The following TMEM175 variants were observed in gnomAD, a reference collection of about 807,000 sequenced individuals.
TMEM175 encodes endosomal/lysosomal proton channel TMEM175.
In TMEM175, 36 loss-of-function variants were observed where a neutral mutation model predicts 36.5. That is an observed-to-expected ratio of 0.99 (90% confidence interval 0.76 to 1.30). TMEM175 has a LOEUF of 1.30. TMEM175 is among the 50% of genes most tolerant of loss of function. The pLI, the probability that TMEM175 is intolerant of heterozygous loss-of-function variation, is 0.00. For missense variants in TMEM175, 705 were observed against 692.8 expected (o/e 1.02, Z -0.20); for synonymous variants, 339 against 313.4 (o/e 1.08, Z -0.86).
Position 949,248 on chromosome 4 carries a change from TA to T in TMEM175, c.192+1099del, listed in dbSNP as rs1447221404. Among the ~76,000 whole-genome samples, 6 of 152,016 alleles carry T rather than the reference TA, an allele frequency of 3.9e-5. No individual in the cohort carries two copies. In the East Asian group the frequency reaches 1.2e-3, roughly 29 times the overall value. On this transcript the variant is annotated intron_variant, in intron 3 of 10. Transcript: ENST00000264771. Reference sequence around the variant, plus strand: ...AATGAAGGGCCCGGGTGGTTGAAAATAAAAACCTGTGAACCTAAACCTGCTC... The same window carrying T: ...AATGAAGGGCCCGGGTGGTTGAAAATAAAACCTGTGAACCTAAACCTGCTC...
Position 947,875 on chromosome 4 carries a change from A to G in TMEM175, c.136A>G (p.Ile46Val), listed in dbSNP as rs773547588. The G allele has an allele frequency of 1.9e-6, 3 of 1,613,660 alleles. No individual in the cohort carries two copies. Among genetic ancestry groups the G allele is most frequent in the East Asian group, 2.2e-5 (1 of 44,892 alleles). ...MLSFSDALLSIIATVMILPVT... is the reference protein window; with the variant it reads ...MLSFSDALLSVIATVMILPVT... ...CAGCTTCAGTGACGCCCTGCTGTCC[A>G]TCATCGCCACCGTCATGGTCTGTAC... Residue 46 changes from isoleucine (I) to valine (V), a missense_variant, in exon 2 of 11, where the codon ATC (isoleucine) becomes GTC (valine). By Grantham distance (29) the Ile-to-Val change is conservative. Transcript: ENST00000264771.
chr4:955,608 C>A lies in TMEM175; in HGVS notation c.706+125C>A, dbSNP rs530583440. 4.9e-5 allele frequency: 70 copies of A among 1,436,278 alleles called. 1 individual carries two copies. Among genetic ancestry groups the A allele is most frequent in the Admixed American group, 2.8e-4 (14 of 49,922 alleles). The allele number at this position is 1,436,278 out of a possible 1,614,324, so 89.0% of individuals were successfully genotyped here. A position where few individuals can be genotyped will look rare whatever the true frequency, so the allele number is the denominator to read the frequency against. ...TGCGTGGTGGTGGCTGGGGCTCCCC[C>A]ACTCCGCCCCTCGGGCGTCCCTGTC... On this transcript the variant is annotated intron_variant, in intron 9 of 10. Transcript: ENST00000264771.
In TMEM175 at chr4:941,181, T is replaced by G. The variant is rs552667795; in HGVS notation, c.-31-6528T>G. The stretch of plus-strand genomic sequence containing the variant: ...TTACGAGGTCAGGAGTTCAAGACCA[T>G]CCTGGCCAACATGGTGAAACCCTAT... On this transcript the variant is annotated intron_variant, in intron 1 of 10. Coordinates refer to ENST00000264771, the MANE Select transcript of TMEM175 (RefSeq NM_032326.4). Among the ~76,000 whole-genome samples the G allele has an allele frequency of 6.3e-3, 944 of 149,640 alleles. 6 individuals are homozygous for G. The highest frequency in any genetic ancestry group is 0.02 in the African/African-American group (825 of 40,868).
chr4:942,220 C>A (rs1577395260), intron 1 of TMEM175, among the ~76,000 whole-genome samples: 1 of 152,016 alleles, frequency 6.6e-6, no homozygotes, highest in Admixed American at 6.6e-5. Context: ...GCACGTGCAA[C>A]CATGCCCAGC....
In TMEM175 at chr4:932,583, A is replaced by G. The variant is rs1306810084; in HGVS notation, c.-32+43A>G. ...TCCAGCTCCCGGTACCGTTCCCCAC[A>G]TGGTCTGTTTTGTGGGAGGCTCCTT... is the stretch of plus-strand genomic sequence containing the variant. On this transcript the variant is annotated intron_variant, in intron 1 of 10. Coordinates refer to ENST00000264771, the MANE Select transcript of TMEM175 (RefSeq NM_032326.4). This position sits in a 1 kb window ranked among gnomAD's most constrained non-coding sequence, Gnocchi z 4.0. 3 of 395,014 alleles carry G rather than the reference A, an allele frequency of 7.6e-6. No homozygotes were observed. Among genetic ancestry groups the G allele is most frequent in the African/African-American group, 2.1e-5 (1 of 47,950 alleles). The allele number at this position is 395,014 out of a possible 1,614,324, so 24.5% of individuals were successfully genotyped here.
Position 957,808 on chromosome 4 carries a change from T to C in TMEM175, c.843-16T>C. 6.3e-7 allele frequency: 1 copy of C among 1,586,458 alleles called. No homozygotes were observed. The highest frequency in any genetic ancestry group is 2.2e-5 in the East Asian group (1 of 44,592). On this transcript the variant is annotated splice_polypyrimidine_tract_variant and intron_variant, in intron 10 of 10. Coordinates refer to ENST00000264771, the MANE Select transcript of TMEM175 (RefSeq NM_032326.4). ...ACGGCAAGGCCGGCACAAATGCATC[T>C]ATTCACTGTTCTCAGCGAAGACAAC...
At chr4:951,561 C>G (rs1369902378) in intron 5 of TMEM175, 121 bp from the exon 6 acceptor site, 1 of 1,321,884 alleles carries the variant, frequency 7.6e-7, no homozygotes, top group East Asian at 2.3e-5. Context: ...TGGACTCACA[C>G]TCGCTGGCCC....
intron 2 of TMEM175, 55 bp downstream of exon 2, chr4:947,947 G>A (rs762249409): frequency 3.1e-6 from 5 of 1,613,254 alleles, no homozygotes; most frequent in Non-Finnish European, 4.2e-6. Context: ...TCGAGGCACT[G>A]CCCAGCCCAC....
intron 10 of TMEM175, 132 bp from the exon 11 acceptor site, chr4:957,692 C>T (rs1729881872): frequency 1.2e-6 from 1 of 837,048 alleles, no homozygotes; most frequent in Non-Finnish European, 1.9e-6. Context: ...AAATTTAGCA[C>T]ACTGGGAAGT....
chr4:947,974 T>A, intron 2 of TMEM175, 82 bp downstream of exon 2: 1 of 1,611,964 alleles, frequency 6.2e-7, no homozygotes, highest in Non-Finnish European at 8.5e-7. Flanking sequence ...CCTGTCTAGG[T>A]CTTGCCAGCA....
chr4:939,112 C>T (rs1727132697), intron 1 of TMEM175, among the ~76,000 whole-genome samples: 1 of 152,152 alleles, frequency 6.6e-6, no homozygotes, highest in South Asian at 2.1e-4. Context: ...GCCTGGGCAA[C>T]AGTGTGGAGT....
At chr4:935,007 G>A (rs1726634870) in intron 1 of TMEM175, among the ~76,000 whole-genome samples, 1 of 152,144 alleles carries the variant, frequency 6.6e-6, no homozygotes, top group Admixed American at 6.5e-5. Context: ...AGGGGAAGTA[G>A]GAAACCCAAG....
At chr4:938,537 T>TA (rs1418362105) in intron 1 of TMEM175, among the ~76,000 whole-genome samples, 1 of 151,942 alleles carries the variant, frequency 6.6e-6, no homozygotes, top group Non-Finnish European at 1.5e-5. Flanking sequence ...ATAGAATCTA[T>TA]AAAAAGAGCT....
At chr4:941,001 G>A (rs1049833152) in intron 1 of TMEM175, among the ~76,000 whole-genome samples, 13 of 72,742 alleles carry the variant, frequency 1.8e-4, no homozygotes, top group East Asian at 3.5e-4. Flanking sequence ...GTGAGACTCC[G>A]TCTCAAAATA....
At chr4:956,067 G>GGAGGCCCCTCCCTTCCCA in intron 10 of TMEM175, 177 bp downstream of exon 10, 3 of 786,588 alleles carry the variant, frequency 3.8e-6, no homozygotes, top group Non-Finnish European at 5.5e-6. Flanking sequence ...CAACCTTCCC[G>GGAGGCCCCTCCCTTCCCA]GCGGCCCCTC....
chr4:954,513 C>T (rs911656189), intron 8 of TMEM175, among the ~76,000 whole-genome samples: 3 of 151,690 alleles, frequency 2.0e-5, no homozygotes, highest in African/African-American at 4.9e-5. Flanking sequence ...CTGCTGGAGA[C>T]GTGTAGCTGC....
intron 1 of TMEM175, 23 bp from the exon 2 acceptor site, chr4:947,686 C>G: frequency 6.4e-7 from 1 of 1,560,004 alleles, no homozygotes; most frequent in Admixed American, 1.8e-5. Context: ...CACAGGCACA[C>G]TCAGACCTGC....
At position 953,297 on chromosome 4, in the gene TMEM175, C is replaced by T; in HGVS notation, c.570C>T (p.Leu190=). ...GACGACACGTCCTGGGCATCGTCCT[C>T]CAAGGCCCGGCCCTGTGCTTTGCAG... ...LYRRHVLGIV[L]QGPALCFAAA... The change falls in exon 8 of 11, where the codon CTC becomes CTT. Residue 190 remains leucine, a synonymous_variant. Transcript: ENST00000264771. 2 of 1,614,084 alleles carry T rather than the reference C, an allele frequency of 1.2e-6. No homozygotes were observed. The highest frequency in any genetic ancestry group is 1.7e-6 in the Non-Finnish European group (2 of 1,179,988).
chr4:955,829 G>C lies in TMEM175; in HGVS notation c.781G>C (p.Val261Leu), dbSNP rs372944489. 6.2e-7 allele frequency: 1 copy of C among 1,614,070 alleles called. No individual in the cohort carries two copies. The highest frequency in any genetic ancestry group is 8.5e-7 in the Non-Finnish European group (1 of 1,180,006). ...CCACGAGCCACTCAGCAAGGAGCGC[G>C]TGGAAGCCTTCAGCGACGGAGTCTA... ...DLHEPLSKER[V>L]EAFSDGVYAI... is the part of the protein sequence containing the mutation. The change falls in exon 10 of 11, where the codon GTG becomes CTG. Residue 261 changes from valine to leucine, a missense_variant. Transcript: ENST00000264771.
Sources: gnomAD v4.1 joint callset for allele counts (sites outside exome capture counted in the v4.1 genomes callset) on GRCh38, gnomAD v4.1.1 for gene constraint, Gnocchi (gnomAD v3.1) non-coding constraint, MANE v1.5 for transcripts, NCBI Gene and HGNC (gene_info 2026-07-23, HGNC 2026-07-21) for gene names.